Variants in SLCO5A1 observed in about 807,000 individuals in gnomAD.
The protein encoded by SLCO5A1 is organic anion transporter polypeptide-related protein 4.
In SLCO5A1, 39 loss-of-function variants were observed where a neutral mutation model predicts 65.1. The observed-to-expected ratio is 0.60, with a 90% CI of 0.46 to 0.78. The LOEUF is 0.78. Ranked by LOEUF, SLCO5A1 falls within the 30% of genes least tolerant of loss-of-function variation. The probability of loss-of-function intolerance (pLI) is 0.00; values close to 1 mark genes in which losing one functional copy is unlikely to be tolerated. For missense variants in SLCO5A1, 1,029 were observed against 1,069.4 expected (o/e 0.96, Z 0.53); for synonymous variants, 438 against 415.7 (o/e 1.05, Z -0.65).
intron 2 of SLCO5A1, chr8:69,794,713 C>T (rs1819417911): frequency 6.8e-6 from 2 of 294,354 alleles, no homozygotes; most frequent in African/African-American, 2.3e-5. Flanking sequence ...TGCAGCCATA[C>T]TTGTTATATT....
Position 69,832,779 on chromosome 8 carries a change from T to C in SLCO5A1, c.-106A>G. On this transcript the variant is annotated 5_prime_UTR_variant, in exon 2 of 10. Coordinates refer to ENST00000260126, the MANE Select transcript of SLCO5A1 (RefSeq NM_030958.3). This position sits in a 1 kb window ranked among gnomAD's most constrained non-coding sequence, Gnocchi z 4.5. Reference sequence around the variant, plus strand: ...CCGGGCCCAGTCAGTCTTGCCCACCTGGGACTGGGGCTGGGGGCGCAGGGC... The same window carrying C: ...CCGGGCCCAGTCAGTCTTGCCCACCCGGGACTGGGGCTGGGGGCGCAGGGC... The C allele has an allele frequency of 7.4e-7, 1 of 1,346,748 alleles. No individual in the cohort carries two copies. Among genetic ancestry groups the C allele is most frequent in the South Asian group, 1.4e-5 (1 of 69,232 alleles). The allele number at this position is 1,346,748 out of a possible 1,614,324, so 83.4% of individuals were successfully genotyped here. A position where few individuals can be genotyped will look rare whatever the true frequency, so the allele number is the denominator to read the frequency against.
At chr8:69,761,246 T>A (rs1455626389) in intron 3 of SLCO5A1, 1 of 160,114 alleles carries the variant, frequency 6.2e-6, no homozygotes, top group Non-Finnish European at 1.3e-5. Context: ...GGCAACACAA[T>A]CTGATTCATG....
chr8:69,711,434 G>A (rs1027578808), intron 5 of SLCO5A1, among the ~76,000 whole-genome samples: 6 of 152,202 alleles, frequency 3.9e-5, no homozygotes, highest in Admixed American at 6.5e-5. Flanking sequence ...GGGAGCGCAG[G>A]AGAAAAGCAG....
chr8:69,799,754 T>G (rs1819657083), intron 2 of SLCO5A1, among the ~76,000 whole-genome samples: 1 of 152,042 alleles, frequency 6.6e-6, no homozygotes, highest in Non-Finnish European at 1.5e-5. Context: ...TATAAAACCA[T>G]CAGATCTTGT....
At chr8:69,794,621 G>A in intron 2 of SLCO5A1, 1 of 314,496 alleles carries the variant, frequency 3.2e-6, no homozygotes, top group Non-Finnish European at 6.5e-6. Context: ...TTTTGCTTTA[G>A]CAATTCTGCT....
At chr8:69,808,890 A>C (rs1290855391) in intron 2 of SLCO5A1, among the ~76,000 whole-genome samples, 6 of 152,156 alleles carry the variant, frequency 3.9e-5, no homozygotes, top group African/African-American at 1.4e-4. Flanking sequence ...GGATCACCTG[A>C]GGTCAGGAGT....
intron 2 of SLCO5A1, among the ~76,000 whole-genome samples, chr8:69,812,024 C>T (rs1216407964): frequency 6.6e-6 from 1 of 152,184 alleles, no homozygotes; most frequent in African/African-American, 2.4e-5. Flanking sequence ...TTTGAGAAGA[C>T]CCTTTGCAAC....
intron 6 of SLCO5A1, among the ~76,000 whole-genome samples, chr8:69,697,150 G>A (rs534014001): frequency 2.0e-5 from 3 of 152,202 alleles, no homozygotes; most frequent in East Asian, 1.9e-4. Context: ...GCCCTGTGCC[G>A]AGGCACTCAT....
chr8:69,832,176 C>A lies in SLCO5A1; in HGVS notation c.498G>T (p.Glu166Asp). The A allele has an allele frequency of 1.2e-6, 2 of 1,614,238 alleles. No individual in the cohort carries two copies. Among genetic ancestry groups the A allele is most frequent in the East Asian group, 4.5e-5 (2 of 44,884 alleles). Residue 166 changes from glutamate (E) to aspartate (D), a missense_variant, in exon 2 of 10, where the codon GAG (glutamate) becomes GAT (aspartate). By Grantham distance (45) the Glu-to-Asp change is conservative. Coordinates refer to ENST00000260126, the MANE Select transcript of SLCO5A1 (RefSeq NM_030958.3). This position sits in a 1 kb window ranked among gnomAD's most constrained non-coding sequence, Gnocchi z 4.5. ...CAAAGCAGCTGACCAGCAGCCCCGA[C>A]TCGGAACTCTTCAGACTGTAGCGCC... ...IERRYSLKSS[E>D]SGLLVSCFDI...
At chr8:69,683,036 G>A (rs1177564800) in intron 6 of SLCO5A1, among the ~76,000 whole-genome samples, 1 of 152,138 alleles carries the variant, frequency 6.6e-6, no homozygotes, top group Non-Finnish European at 1.5e-5. Context: ...TGAGATCATG[G>A]TGTCTGATAC....
intron 5 of SLCO5A1, among the ~76,000 whole-genome samples, chr8:69,721,896 G>A (rs1299947759): frequency 6.6e-6 from 1 of 152,118 alleles, no homozygotes; most frequent in South Asian, 2.1e-4. Context: ...TATAAGCCAG[G>A]CACGATAGCT....
intron 6 of SLCO5A1, among the ~76,000 whole-genome samples, chr8:69,702,527 A>C (rs1035759386): frequency 4.0e-5 from 6 of 151,278 alleles, no homozygotes; most frequent in Admixed American, 1.3e-4. Flanking sequence ...ACACACACAC[A>C]CCAATGTCTT....
intron 5 of SLCO5A1, among the ~76,000 whole-genome samples, chr8:69,718,626 A>T (rs2959554): frequency 0.56 from 85,248 of 152,012 alleles, 24,437 homozygotes; most frequent in South Asian, 0.69. Context: ...ATTGACAAAC[A>T]TGTTTTTTAA....
chr8:69,738,384 G>GT (rs35273615), intron 4 of SLCO5A1, among the ~76,000 whole-genome samples, 180 bp from the exon 5 acceptor site: 3,506 of 143,316 alleles, frequency 0.024, 102 homozygotes, highest in African/African-American at 0.071. Context: ...ATTTTCTTTT[G>GT]TTTTTTTTTT....
intron 6 of SLCO5A1, among the ~76,000 whole-genome samples, chr8:69,694,143 G>T (rs1400486741): frequency 6.6e-6 from 1 of 152,184 alleles, no homozygotes; most frequent in East Asian, 1.9e-4. Context: ...TGTGCATGCA[G>T]GTGCGTACGT....
At chr8:69,816,471 A>G (rs1820415069) in intron 2 of SLCO5A1, among the ~76,000 whole-genome samples, 1 of 152,178 alleles carries the variant, frequency 6.6e-6, no homozygotes, top group African/African-American at 2.4e-5. Flanking sequence ...TGGGACCCCC[A>G]TCTCTTTTTC....
At chr8:69,713,193 A>T (rs570490690) in intron 5 of SLCO5A1, among the ~76,000 whole-genome samples, 27 of 152,376 alleles carry the variant, frequency 1.8e-4, no homozygotes, top group Non-Finnish European at 3.8e-4. Context: ...ACAGGCTCTT[A>T]GAATCTTAGA....
intron 2 of SLCO5A1, among the ~76,000 whole-genome samples, chr8:69,817,837 G>A (rs762221634): frequency 2.1e-4 from 32 of 152,224 alleles, no homozygotes; most frequent in Non-Finnish European, 2.9e-4. Flanking sequence ...CCAATTCACT[G>A]CTAACATTTC....
intron 2 of SLCO5A1, among the ~76,000 whole-genome samples, chr8:69,765,415 C>A (rs1818019711): frequency 6.7e-6 from 1 of 150,224 alleles, no homozygotes; most frequent in African/African-American, 2.5e-5. Flanking sequence ...CACACACACA[C>A]ACACAGAGGC....
Sources: allele counts gnomAD v4.1 joint callset (sites outside exome capture counted in the v4.1 genomes callset), GRCh38; gene constraint gnomAD v4.1.1; non-coding constraint Gnocchi (gnomAD v3.1); transcripts MANE v1.5; gene names NCBI Gene and HGNC (gene_info 2026-07-23, HGNC 2026-07-21).